The following CRACD variants were observed in gnomAD, a reference collection of about 807,000 sequenced individuals.
CRACD encodes the protein capping protein inhibiting regulator of actin dynamics.
Under a neutral mutation model 106.8 loss-of-function variants are expected in CRACD, and 56 were observed. The ratio of observed to expected loss-of-function variants is 0.52; its 90% CI spans 0.42 to 0.66. The LOEUF (loss-of-function observed/expected upper bound fraction) is 0.66, where lower values mean the gene tolerates loss of function less well. Among genes scored for constraint, CRACD ranks in the 30% least tolerant of loss-of-function variants. The pLI, the probability that CRACD is intolerant of heterozygous loss-of-function variation, is 0.00. For missense variants in CRACD, 1,730 were observed against 1,623.2 expected (o/e 1.07, Z -1.13); for synonymous variants, 754 against 670.8 (o/e 1.12, Z -1.92).
At chr4:56,063,967 G>A (rs1412356496) in intron 1 of CRACD, among the ~76,000 whole-genome samples, 2 of 152,146 alleles carry the variant, frequency 1.3e-5, no homozygotes, top group African/African-American at 2.4e-5. Context: ...CAACAGCAAT[G>A]CACACACAGC....
intron 2 of CRACD, among the ~76,000 whole-genome samples, chr4:56,199,596 C>T (rs191169043): frequency 3.3e-5 from 5 of 150,094 alleles, no homozygotes; most frequent in African/African-American, 9.8e-5. Context: ...ACAGGAGAAT[C>T]GCTTGAACCT....
rs546741975 is a variant in CRACD at position 56,065,138 on chromosome 4, A to G, written c.-336+15839A>G. ...AGTCTTGCTCTGTCGCCCAGGCTGT[A>G]GTGCAATGACATGATCTCAGCTCAC... On this transcript the variant is annotated intron_variant, in intron 1 of 10. Coordinates refer to ENST00000682029, the MANE Select transcript of CRACD (RefSeq NM_001393381.1). Among the ~76,000 whole-genome samples, 979 of 151,712 alleles carry G rather than the reference A, an allele frequency of 6.5e-3. 7 individuals are homozygous for G. Among genetic ancestry groups the G allele is most frequent in the African/African-American group, 0.023 (934 of 41,370 alleles).
At chr4:56,288,680 T>C (rs941266782) in intron 3 of CRACD, 3 of 152,276 alleles carry the variant, frequency 2.0e-5, no homozygotes, top group Non-Finnish European at 4.4e-5. Context: ...ACTGTTTAAT[T>C]TGGGTGGAGG....
chr4:56,165,960 A>C (rs902866970), intron 1 of CRACD, among the ~76,000 whole-genome samples: 2 of 152,164 alleles, frequency 1.3e-5, no homozygotes, highest in Non-Finnish European at 2.9e-5. Flanking sequence ...TCTTGGGCTT[A>C]AGCAGTCGTC....
At chr4:56,118,283 C>T (rs1213494469) in intron 1 of CRACD, among the ~76,000 whole-genome samples, 1 of 152,186 alleles carries the variant, frequency 6.6e-6, no homozygotes, top group Non-Finnish European at 1.5e-5. Context: ...TCCCCACCTA[C>T]ATGCTTCTGA....
Position 56,316,585 on chromosome 4 carries a change from AGAG to A in CRACD, c.3085_3087del (p.Arg1029del), listed in dbSNP as rs1474567189. 9.3e-6 allele frequency: 15 copies of A among 1,613,398 alleles called. No individual in the cohort carries two copies. The highest frequency in any genetic ancestry group is 1.3e-5 in the Non-Finnish European group (15 of 1,179,770). On this transcript the variant is annotated inframe_deletion, in exon 8 of 11. Transcript: ENST00000682029. Reference sequence around the variant, plus strand: ...GGCCCCGAGGAAAGGAAGGGACAGAAGAGGGACGAGGAGGAAGAGGCGACAGAG... The same window carrying A: ...GGCCCCGAGGAAAGGAAGGGACAGAAGGACGAGGAGGAAGAGGCGACAGAG...
chr4:56,254,981 G>A (rs1259966566), intron 2 of CRACD, among the ~76,000 whole-genome samples: 1 of 151,614 alleles, frequency 6.6e-6, no homozygotes, highest in Non-Finnish European at 1.5e-5. Context: ...AGGAGTAGTG[G>A]CAGGCACCTA....
chr4:56,279,132 G>T (rs1279349167), intron 3 of CRACD, among the ~76,000 whole-genome samples: 2 of 152,178 alleles, frequency 1.3e-5, no homozygotes, highest in Non-Finnish European at 2.9e-5. Context: ...TCAAAGAGGT[G>T]ACAGTGCTAT....
At chr4:56,140,981 G>A (rs1358397932) in intron 1 of CRACD, among the ~76,000 whole-genome samples, 2 of 152,182 alleles carry the variant, frequency 1.3e-5, no homozygotes, top group African/African-American at 4.8e-5. Flanking sequence ...GAAACATACT[G>A]TTCTCCAGTT....
At chr4:56,122,626 C>T (rs1004014567) in intron 1 of CRACD, among the ~76,000 whole-genome samples, 3 of 152,166 alleles carry the variant, frequency 2.0e-5, no homozygotes, top group African/African-American at 7.2e-5. Context: ...TCCTTCTGCC[C>T]CCAACATCTA....
In CRACD at chr4:56,218,408, G is replaced by T. The variant is rs1189262246; in HGVS notation, c.-189+38978G>T. The stretch of plus-strand genomic sequence containing the variant: ...ATTACAGGAGTAACCACCTCACCTG[G>T]TCTGCTTTCTTTCCCTCCCTTCCCC... On this transcript the variant is annotated intron_variant, in intron 2 of 10. Coordinates refer to ENST00000682029, the MANE Select transcript of CRACD (RefSeq NM_001393381.1). Among the ~76,000 whole-genome samples the T allele has an allele frequency of 2.6e-5, 4 of 150,982 alleles. No homozygotes were observed. In the East Asian group the frequency reaches 5.9e-4, roughly 22 times the overall value.
chr4:56,313,513 C>A, intron 7 of CRACD, 134 bp downstream of exon 7: 2 of 753,176 alleles, frequency 2.7e-6, no homozygotes, highest in Non-Finnish European at 4.2e-6. Flanking sequence ...GAGTGTGTGG[C>A]GGTGTTGGGG....
rs766344051 is a variant in CRACD at position 56,315,959 on chromosome 4, G to A, written c.2457G>A (p.Ser819=). 2.5e-5 allele frequency: 40 copies of A among 1,614,184 alleles called. No individual in the cohort carries two copies. Among genetic ancestry groups the A allele is most frequent in the African/African-American group, 4.0e-5 (3 of 75,046 alleles). ...TGGCCCACACAGAGTTCACGACCTC[G>A]TCGGACAGCGAGACTGCAAACGGGA... ...KVVAHTEFTT[S]SDSETANGIA... is the part of the protein sequence containing the mutation. The change falls in exon 8 of 11, where the codon TCG becomes TCA. Residue 819 remains serine, a synonymous_variant. Transcript: ENST00000682029. This position sits in a 1 kb window ranked among gnomAD's most constrained non-coding sequence, Gnocchi z 4.1.
intron 10 of CRACD, among the ~76,000 whole-genome samples, chr4:56,325,163 CG>C (rs368689632): frequency 6.6e-6 from 1 of 152,030 alleles, no homozygotes; most frequent in East Asian, 1.9e-4. Flanking sequence ...GGCGAAACCC[CG>C]TCTCTACTAA....
chr4:56,137,534 C>T (rs1204521953), intron 1 of CRACD, among the ~76,000 whole-genome samples: 1 of 152,220 alleles, frequency 6.6e-6, no homozygotes, highest in African/African-American at 2.4e-5. Flanking sequence ...GCCCTACACA[C>T]TGTTGTCTAG....
intron 1 of CRACD, among the ~76,000 whole-genome samples, chr4:56,059,904 A>C (rs560700400): frequency 6.6e-6 from 1 of 152,274 alleles, no homozygotes; most frequent in Non-Finnish European, 1.5e-5. Context: ...GGCTGGTCTC[A>C]AACTCTTGGT....
At chr4:56,123,989 G>A (rs1249474894) in intron 1 of CRACD, among the ~76,000 whole-genome samples, 1 of 151,946 alleles carries the variant, frequency 6.6e-6, no homozygotes, top group African/African-American at 2.4e-5. Context: ...CCAGGCTGGA[G>A]TGCAATGGCG....
chr4:56,282,022 C>A (rs1560516316), intron 3 of CRACD, among the ~76,000 whole-genome samples: 2 of 152,150 alleles, frequency 1.3e-5, no homozygotes, highest in Admixed American at 6.5e-5. Flanking sequence ...TCAGGATGAG[C>A]CTCTAAGTCA....
chr4:56,248,366 C>A (rs929503393), intron 2 of CRACD, among the ~76,000 whole-genome samples: 4 of 152,164 alleles, frequency 2.6e-5, no homozygotes, highest in Non-Finnish European at 5.9e-5. Flanking sequence ...AATCTGCTCA[C>A]TTTTGGTGAG....
Sources: allele counts gnomAD v4.1 joint callset (sites outside exome capture counted in the v4.1 genomes callset), GRCh38; gene constraint gnomAD v4.1.1; non-coding constraint Gnocchi (gnomAD v3.1); transcripts MANE v1.5; gene names NCBI Gene and HGNC (gene_info 2026-07-23, HGNC 2026-07-21).